The following RHBDD1 variants were observed in gnomAD, a reference collection of about 807,000 sequenced individuals.
RHBDD1 encodes the protein rhomboid-related protein 4.
In RHBDD1, 38 loss-of-function variants were observed where a neutral mutation model predicts 36.3. That is an observed-to-expected ratio of 1.05 (90% CI 0.81 to 1.37). RHBDD1 has a LOEUF of 1.37. Ranked by LOEUF, RHBDD1 falls within the 40% of genes most tolerant of loss-of-function variation. The pLI is 0.00. For missense variants in RHBDD1, 393 were observed against 377.6 expected, an observed-to-expected ratio of 1.04 and a Z score of -0.34; for synonymous variants, 151 against 136.5, an observed-to-expected ratio of 1.11 and a Z score of -0.74.
chr2:226,933,037 G>T (rs566783468), intron 8 of RHBDD1, among the ~76,000 whole-genome samples: 1 of 152,108 alleles, frequency 6.6e-6, no homozygotes, highest in Non-Finnish European at 1.5e-5. Context: ...TCTTCGCAGG[G>T]TGGCAGGACA....
At chr2:226,815,589 G>A in the RHBDD1 span, among the ~76,000 whole-genome samples, 5 of 152,094 alleles carry the variant, frequency 3.3e-5, no homozygotes, top group African/African-American at 7.2e-5. Flanking sequence ...AAAGTTGATT[G>A]ATTTCTAAAG....
chr2:226,954,801 G>A (rs1951679499), intron 8 of RHBDD1, among the ~76,000 whole-genome samples: 1 of 152,078 alleles, frequency 6.6e-6, no homozygotes, highest in Admixed American at 6.6e-5. Context: ...CCTTTCTAAG[G>A]AGACGATAAT....
chr2:226,905,057 G>A (rs1000075671), intron 5 of RHBDD1, among the ~76,000 whole-genome samples: 1 of 151,966 alleles, frequency 6.6e-6, no homozygotes, highest in African/African-American at 2.4e-5. Context: ...TAAAGGCTAT[G>A]TTCTTGGAGT....
intron 3 of RHBDD1, among the ~76,000 whole-genome samples, chr2:226,849,277 A>G (rs1942543227): frequency 6.6e-6 from 1 of 152,236 alleles, no homozygotes; most frequent in Admixed American, 6.5e-5. Flanking sequence ...ACTCCAAGGT[A>G]TAAGGAAAAC....
chr2:226,905,240 CAGAG>C (rs1051389476), intron 5 of RHBDD1, among the ~76,000 whole-genome samples: 23 of 151,630 alleles, frequency 1.5e-4, no homozygotes, highest in African/African-American at 3.4e-4. Flanking sequence ...TTGTGTGTGA[CAGAG>C]AGAGACGGAC....
At chr2:226,943,465 T>C (rs1950789605) in intron 8 of RHBDD1, among the ~76,000 whole-genome samples, 5 of 152,306 alleles carry the variant, frequency 3.3e-5, no homozygotes, top group Admixed American at 1.3e-4. Context: ...GTTTTTGATT[T>C]TCAACTCAAT....
chr2:226,931,409 A>G (rs1950024298), intron 8 of RHBDD1, among the ~76,000 whole-genome samples: 1 of 152,080 alleles, frequency 6.6e-6, no homozygotes, highest in Non-Finnish European at 1.5e-5. Flanking sequence ...CAAATACCAT[A>G]TGTTCTCACT....
At chr2:226,922,285 G>C (rs1172620256) in intron 8 of RHBDD1, among the ~76,000 whole-genome samples, 1 of 134,964 alleles carries the variant, frequency 7.4e-6, no homozygotes, top group Non-Finnish European at 1.5e-5. Flanking sequence ...TCGGCTCACT[G>C]TAAGTTCCAC....
At chr2:226,971,036 C>T (rs1415515096) in intron 8 of RHBDD1, among the ~76,000 whole-genome samples, 1 of 152,170 alleles carries the variant, frequency 6.6e-6, no homozygotes, top group Non-Finnish European at 1.5e-5. Flanking sequence ...TGGTACATTT[C>T]GTAGACACTT....
At chr2:226,916,084 G>A (rs1002233262) in intron 8 of RHBDD1, among the ~76,000 whole-genome samples, 1 of 152,190 alleles carries the variant, frequency 6.6e-6, no homozygotes, top group Non-Finnish European at 1.5e-5. Context: ...CACAGCATAA[G>A]GTTTACAGGA....
intron 8 of RHBDD1, among the ~76,000 whole-genome samples, chr2:226,969,935 G>A (rs1352934314): frequency 6.6e-6 from 1 of 151,828 alleles, no homozygotes; most frequent in Non-Finnish European, 1.5e-5. Flanking sequence ...GGAGGGTCTG[G>A]TGTACTGGAA....
chr2:226,922,472 G>T (rs891106281), intron 8 of RHBDD1, among the ~76,000 whole-genome samples: 11 of 152,194 alleles, frequency 7.2e-5, no homozygotes, highest in Middle Eastern at 6.8e-3. Context: ...CTCCCAAAGG[G>T]CTGGGATTAC....
chr2:226,925,579 A>G (rs1049043763), intron 8 of RHBDD1, among the ~76,000 whole-genome samples: 6 of 152,204 alleles, frequency 3.9e-5, no homozygotes, highest in African/African-American at 1.4e-4. Flanking sequence ...GCCTTTGACA[A>G]ATGTCTTCTT....
chr2:226,947,206 G>T (rs1008347314), intron 8 of RHBDD1, among the ~76,000 whole-genome samples: 4 of 151,116 alleles, frequency 2.6e-5, no homozygotes, highest in Non-Finnish European at 4.4e-5. Context: ...GTAATGCCTA[G>T]GTTTTCTTCT....
chr2:226,942,746 G>A (rs1559296807), intron 8 of RHBDD1, among the ~76,000 whole-genome samples: 1 of 152,024 alleles, frequency 6.6e-6, no homozygotes, highest in East Asian at 1.9e-4. Flanking sequence ...AAATATTAGT[G>A]ACATTTGAAT....
intron 5 of RHBDD1, among the ~76,000 whole-genome samples, chr2:226,896,551 A>G (rs920439889): frequency 1.3e-5 from 2 of 152,084 alleles, no homozygotes; most frequent in Non-Finnish European, 1.5e-5. Flanking sequence ...GGACTACATT[A>G]TTCTCCTTAC....
At chr2:226,949,456 A>G (rs1210093178) in intron 8 of RHBDD1, among the ~76,000 whole-genome samples, 2 of 152,126 alleles carry the variant, frequency 1.3e-5, no homozygotes, top group Non-Finnish European at 2.9e-5. Context: ...GGATGTGGAC[A>G]TTGCTGGGAG....
the RHBDD1 span, among the ~76,000 whole-genome samples, chr2:226,817,937 C>G: frequency 6.6e-6 from 1 of 152,102 alleles, no homozygotes; most frequent in Admixed American, 6.5e-5. Context: ...CACATAGATC[C>G]CTAGGTCTTT....
At chr2:226,942,646 A>G (rs1950739282) in intron 8 of RHBDD1, 1 of 194,672 alleles carries the variant, frequency 5.1e-6, no homozygotes, top group Non-Finnish European at 1.1e-5. Context: ...AGAGATAGCA[A>G]TGACAATTAT....
Sources: gnomAD v4.1 joint callset for allele counts (sites outside exome capture counted in the v4.1 genomes callset) on GRCh38, gnomAD v4.1.1 for gene constraint, MANE v1.5 for transcripts, NCBI Gene and HGNC (gene_info 2026-07-23, HGNC 2026-07-21) for gene names.